The following SYTL2 variants were observed in gnomAD, a reference collection of about 807,000 sequenced individuals.
SYTL2 encodes synaptotagmin like 2.
SYTL2 carries 165 observed loss-of-function variants against 198.7 expected under a neutral mutation model. The ratio of observed to expected loss-of-function variants is 0.83; its 90% CI spans 0.73 to 0.94. SYTL2 has a LOEUF of 0.94. SYTL2 is among the 40% of genes least tolerant of loss of function. The pLI, the probability that SYTL2 is intolerant of heterozygous loss-of-function variation, is 0.00. For synonymous variants in SYTL2, 966 were observed against 917.7 expected (o/e 1.05, Z -0.95); for missense variants, 2,835 against 2,582.8 (o/e 1.10, Z -2.12).
chr11:85,835,943 C>T, the SYTL2 span, among the ~76,000 whole-genome samples: 1 of 152,150 alleles, frequency 6.6e-6, no homozygotes, highest in South Asian at 2.1e-4. Context: ...ATGTTTCAGC[C>T]TCTTGCTATA....
chr11:85,797,914 T>C (rs1592066527), intron 1 of SYTL2, among the ~76,000 whole-genome samples: 1 of 152,040 alleles, frequency 6.6e-6, no homozygotes, highest in East Asian at 1.9e-4. Flanking sequence ...AGTGCAGTGG[T>C]GCAATGTCGG....
At chr11:85,784,097 TGAA>T (rs1272031894) in intron 1 of SYTL2, among the ~76,000 whole-genome samples, 1 of 152,194 alleles carries the variant, frequency 6.6e-6, no homozygotes, top group Non-Finnish European at 1.5e-5. Context: ...AACAGAGTCC[TGAA>T]ATCAACCTTC....
rs1466063756 is a variant in SYTL2 at position 85,727,213 on chromosome 11, G to C, written c.2145C>G (p.Asp715Glu). The C allele has an allele frequency of 1.3e-6, 2 of 1,536,356 alleles. No homozygotes were observed. The highest frequency in any genetic ancestry group is 3.3e-4 in the Middle Eastern group (2 of 5,992). ...CTGGTTCTTTGACAACTGTTGAAGA[G>C]TCAAAATTCACTTCTGAGTGTCCTC... ...ENRGHSEVNF[D>E]SSTVVKEPGL... The change falls in exon 8 of 20, where the codon GAC (aspartate) becomes GAG (glutamate). Residue 715 changes from aspartate (D) to glutamate (E), a missense_variant. Physicochemically the swap from Asp to Glu is conservative, Grantham distance 45. This residue lies in a region of SYTL2 where 2,645 missense variants were observed against 2,381.7 expected (regional missense o/e 1.11). Transcript: ENST00000359152.
chr11:85,824,124 T>C, the SYTL2 span, among the ~76,000 whole-genome samples: 1 of 152,164 alleles, frequency 6.6e-6, no homozygotes, highest in East Asian at 1.9e-4. Context: ...GTTTTAACTA[T>C]GATGTGGTTA....
the SYTL2 span, among the ~76,000 whole-genome samples, chr11:85,830,740 C>A: frequency 6.6e-6 from 1 of 152,312 alleles, no homozygotes; most frequent in East Asian, 1.9e-4. Context: ...CTTCCTTCAG[C>A]GTCCTTACAG....
chr11:85,757,886 A>C lies in SYTL2; in HGVS notation c.-161T>G. On this transcript the variant is annotated 5_prime_UTR_variant, in exon 2 of 20. Coordinates refer to ENST00000359152, the MANE Select transcript of SYTL2 (RefSeq NM_206927.4). ...TTTTGGCTCAGCAAAAGTTTAGGGC[A>C]GCTGATAGCAAGATCCTAAGTGCTC... 1.1e-6 allele frequency: 1 copy of C among 923,124 alleles called. No homozygotes were observed. The allele number at this position is 923,124 out of a possible 1,614,324, so 57.2% of individuals were successfully genotyped here.
At chr11:85,849,458 G>C in the SYTL2 span, among the ~76,000 whole-genome samples, 1 of 152,106 alleles carries the variant, frequency 6.6e-6, no homozygotes, top group South Asian at 2.1e-4. Context: ...ATCTTGAATT[G>C]ATTTTTGTAT....
the SYTL2 span, among the ~76,000 whole-genome samples, chr11:85,845,767 T>C: frequency 6.6e-6 from 1 of 151,922 alleles, no homozygotes; most frequent in African/African-American, 2.4e-5. Flanking sequence ...CACACAAAAA[T>C]TAGCCGGGCA....
chr11:85,823,938 A>G, the SYTL2 span, among the ~76,000 whole-genome samples: 3 of 152,204 alleles, frequency 2.0e-5, no homozygotes, highest in African/African-American at 7.2e-5. Context: ...CTTCATGTTC[A>G]GAGTAAACAA....
chr11:85,725,382 T>C lies in SYTL2; in HGVS notation c.3976A>G (p.Ser1326Gly), dbSNP rs771271391. The change falls in exon 8 of 20, where the codon AGC (serine) becomes GGC (glycine). Residue 1326 changes from serine (S) to glycine (G), a missense_variant. Ser to Gly is a moderately conservative substitution (Grantham distance 56). Coordinates refer to ENST00000359152, the MANE Select transcript of SYTL2 (RefSeq NM_206927.4). Reference sequence around the variant, plus strand: ...GGAAAAAGCATATCTTGGGGAGGGCTGGCCACATCCCCAAAAGAACCCTTT... The same window carrying C: ...GGAAAAAGCATATCTTGGGGAGGGCCGGCCACATCCCCAAAAGAACCCTTT... ...SRKGSFGDVA[S>G]PPQDMLFPQD... 3.1e-6 allele frequency: 5 copies of C among 1,614,056 alleles called. No individual in the cohort carries two copies. In the East Asian group the frequency reaches 6.7e-5, roughly 22 times the overall value.
chr11:85,714,487 G>C lies in SYTL2; in HGVS notation c.5551C>G (p.Pro1851Ala), dbSNP rs1162236974. The C allele has an allele frequency of 6.2e-7, 1 of 1,613,284 alleles. No individual in the cohort carries two copies. Among genetic ancestry groups the C allele is most frequent in the African/African-American group, 1.3e-5 (1 of 74,894 alleles). Reference protein sequence around the residue: ...VPRISTVPTQPDNPFSHPDKL... With the variant: ...VPRISTVPTQADNPFSHPDKL... Reference sequence around the variant, plus strand: ...TCAGGGTGAGAAAATGGATTATCAGGTTGTGTAGGCACTGTGGAAACTAAA... The same window carrying C: ...TCAGGGTGAGAAAATGGATTATCAGCTTGTGTAGGCACTGTGGAAACTAAA... The change falls in exon 12 of 20, where the codon CCT becomes GCT. Residue 1851 changes from proline to alanine, a missense_variant. Physicochemically the swap from Pro to Ala is conservative, Grantham distance 27. Transcript: ENST00000359152.
At chr11:85,776,559 T>C (rs2092455015) in intron 1 of SYTL2, among the ~76,000 whole-genome samples, 1 of 152,194 alleles carries the variant, frequency 6.6e-6, no homozygotes. Context: ...TTCATCCATG[T>C]CCCTGCAAAG....
chr11:85,806,053 G>A (rs1335408541), intron 1 of SYTL2, among the ~76,000 whole-genome samples: 1 of 152,194 alleles, frequency 6.6e-6, no homozygotes, highest in Non-Finnish European at 1.5e-5. Flanking sequence ...GTAATCTGAG[G>A]ACACTGCACC....
Position 85,725,228 on chromosome 11 carries a change from A to G in SYTL2, c.4130T>C (p.Leu1377Pro). The G allele has an allele frequency of 6.2e-7, 1 of 1,614,142 alleles. No homozygotes were observed. Among genetic ancestry groups the G allele is most frequent in the Non-Finnish European group, 8.5e-7 (1 of 1,180,008 alleles). ...ATAACTTAACCATACTTCTCCACACAGCTTCTGTAATGCAGCACTTACATC... is the reference window on the plus strand; with the variant it reads ...ATAACTTAACCATACTTCTCCACACGGCTTCTGTAATGCAGCACTTACATC... ...LNDVSAALQK[L>P]CGEVWLSYPA... is the part of the protein sequence containing the mutation. The change falls in exon 8 of 20, where the codon CTG (leucine) becomes CCG (proline). Residue 1377 changes from leucine (L) to proline (P), a missense_variant. Transcript: ENST00000359152.
At chr11:85,817,417 C>T in the SYTL2 span, among the ~76,000 whole-genome samples, 1 of 152,174 alleles carries the variant, frequency 6.6e-6, no homozygotes, top group African/African-American at 2.4e-5. Context: ...TACACACACA[C>T]ACCCCTCATC....
chr11:85,808,244 T>C lies in SYTL2; in HGVS notation c.-390+2710A>G, dbSNP rs541058297. Among the ~76,000 whole-genome samples the C allele has an allele frequency of 1.2e-4, 19 of 152,134 alleles. No homozygotes were observed. The East Asian group carries it at 3.7e-3, about 29-fold the overall frequency. ...ACCACGCGCAGCTAAGTTTTGTATT[T>C]TTAGTAGAGATGGGGTTTCACTATA... On this transcript the variant is annotated intron_variant, in intron 1 of 19. Transcript: ENST00000359152.
intron 15 of SYTL2, 78 bp from the exon 16 acceptor site, chr11:85,705,106 T>C: frequency 2.6e-6 from 3 of 1,155,964 alleles, no homozygotes; most frequent in Non-Finnish European, 3.7e-6. Flanking sequence ...TGAAGAGAAA[T>C]TCATCTGTAT....
At chr11:85,803,752 T>C (rs904726192) in intron 1 of SYTL2, among the ~76,000 whole-genome samples, 3 of 152,174 alleles carry the variant, frequency 2.0e-5, no homozygotes, top group Non-Finnish European at 4.4e-5. Flanking sequence ...CTGGGATCAA[T>C]TGTTTGTTTG....
At chr11:85,697,854 A>G (rs1283948976) in intron 18 of SYTL2, 125 bp downstream of exon 18, 3 of 622,948 alleles carry the variant, frequency 4.8e-6, no homozygotes, top group Non-Finnish European at 8.4e-6. Flanking sequence ...TCATGTCTCC[A>G]TTATCCCAAG....
Sources: gnomAD v4.1 joint callset for allele counts (sites outside exome capture counted in the v4.1 genomes callset) on GRCh38, gnomAD v4.1.1 for gene constraint, gnomAD v4.1.1 regional missense constraint, MANE v1.5 for transcripts, NCBI Gene and HGNC (gene_info 2026-07-23, HGNC 2026-07-21) for gene names.